Variants in SPOCK1 observed in about 807,000 individuals in gnomAD.
SPOCK1 encodes testican-1.
A neutral mutation model predicts 55.3 loss-of-function variants in SPOCK1; 23 were observed. The ratio of observed to expected loss-of-function variants is 0.42; its 90% CI spans 0.30 to 0.59. The LOEUF is 0.59. Among genes scored for constraint, SPOCK1 ranks in the 20% least tolerant of loss-of-function variants. The pLI, the probability that SPOCK1 is intolerant of heterozygous loss-of-function variation, is 0.22. For missense variants in SPOCK1, 499 were observed against 552.5 expected (o/e 0.90, Z 0.97); for synonymous variants, 226 against 221.0 (o/e 1.02, Z -0.20).
chr5:137,307,133 C>A (rs978190726), intron 2 of SPOCK1, among the ~76,000 whole-genome samples: 1 of 152,182 alleles, frequency 6.6e-6, no homozygotes, highest in Non-Finnish European at 1.5e-5. Flanking sequence ...GTGTACATAT[C>A]CAACGCCCAG....
intron 3 of SPOCK1, among the ~76,000 whole-genome samples, chr5:137,232,340 G>C (rs1756080102): frequency 6.6e-6 from 1 of 152,122 alleles, no homozygotes; most frequent in Non-Finnish European, 1.5e-5. Flanking sequence ...TTAAGTTCAT[G>C]ATGCATTTTG....
At chr5:137,457,991 C>T (rs1044133759) in intron 2 of SPOCK1, among the ~76,000 whole-genome samples, 1 of 152,140 alleles carries the variant, frequency 6.6e-6, no homozygotes, top group Admixed American at 6.6e-5. Flanking sequence ...GAAATACAAG[C>T]AGGGACTTAA....
At chr5:137,153,814 C>T (rs932544646) in intron 3 of SPOCK1, among the ~76,000 whole-genome samples, 2 of 151,532 alleles carry the variant, frequency 1.3e-5, no homozygotes, top group African/African-American at 2.4e-5. Context: ...CTCATGATCA[C>T]ACCACTGCAC....
intron 2 of SPOCK1, among the ~76,000 whole-genome samples, chr5:137,342,841 C>T (rs1750462914): frequency 6.6e-6 from 1 of 152,130 alleles, no homozygotes; most frequent in African/African-American, 2.4e-5. Context: ...CCTTTTTGTT[C>T]CTCCTGGCTC....
At chr5:137,163,820 A>G (rs1321495127) in intron 3 of SPOCK1, among the ~76,000 whole-genome samples, 1 of 152,150 alleles carries the variant, frequency 6.6e-6, no homozygotes, top group Admixed American at 6.5e-5. Context: ...GTGACTCTCA[A>G]TTTCCCTGTT....
intron 2 of SPOCK1, among the ~76,000 whole-genome samples, chr5:137,432,463 A>G (rs907675422): frequency 6.6e-6 from 1 of 152,244 alleles, no homozygotes; most frequent in Non-Finnish European, 1.5e-5. Flanking sequence ...ACCATGAATG[A>G]ATCCTAAAGA....
intron 2 of SPOCK1, among the ~76,000 whole-genome samples, chr5:137,405,903 C>T (rs1437327298): frequency 1.3e-5 from 2 of 152,060 alleles, no homozygotes; most frequent in Non-Finnish European, 2.9e-5. Flanking sequence ...CTGCAATGGC[C>T]GAGTCTCCAC....
At chr5:137,298,456 A>G (rs968774300) in intron 2 of SPOCK1, among the ~76,000 whole-genome samples, 2 of 152,234 alleles carry the variant, frequency 1.3e-5, no homozygotes, top group Admixed American at 6.5e-5. Context: ...CTTATTAAAA[A>G]TAAGTACATT....
chr5:137,472,076 A>C (rs1426000903), intron 2 of SPOCK1, among the ~76,000 whole-genome samples: 1 of 152,172 alleles, frequency 6.6e-6, no homozygotes, highest in Non-Finnish European at 1.5e-5. Flanking sequence ...TAAGAAATTC[A>C]TCTGGAGGGT....
intron 6 of SPOCK1, among the ~76,000 whole-genome samples, chr5:137,063,955 G>A (rs12657412): frequency 0.055 from 8,420 of 152,220 alleles, 670 homozygotes; most frequent in African/African-American, 0.17. Flanking sequence ...AGAAAACCAC[G>A]GAAGGGCCTC....
intron 3 of SPOCK1, among the ~76,000 whole-genome samples, chr5:137,186,057 A>T (rs1442168220): frequency 6.6e-6 from 1 of 152,210 alleles, no homozygotes; most frequent in African/African-American, 2.4e-5. Context: ...ATCCAAAAAA[A>T]TTCCTGTCCT....
intron 2 of SPOCK1, among the ~76,000 whole-genome samples, chr5:137,379,157 A>T (rs1237042097): frequency 2.6e-5 from 4 of 152,064 alleles, no homozygotes; most frequent in Non-Finnish European, 4.4e-5. Flanking sequence ...GCTGTAAACT[A>T]CTGTGGGCCA....
Position 136,978,461 on chromosome 5 carries a change from C to G in SPOCK1, c.*193G>C, listed in dbSNP as rs1252306339. 3.7e-5 allele frequency: 17 copies of G among 465,678 alleles called. No homozygotes were observed. Among genetic ancestry groups the G allele is most frequent in the Non-Finnish European group, 5.4e-5 (15 of 276,640 alleles). 28.8% of individuals were successfully genotyped at this position (465,678 alleles called of 1,614,324 possible). ...ACAACAACAAAAAAAAAACACAACA[C>G]CCTTTCTCCCATACAAACATATGCA... On this transcript the variant is annotated 3_prime_UTR_variant, in exon 11 of 11. Coordinates refer to ENST00000394945, the MANE Select transcript of SPOCK1 (RefSeq NM_004598.4).
At position 137,107,168 on chromosome 5, in the gene SPOCK1, G is replaced by A. The variant is rs1011599276; in HGVS notation, c.474+5267C>T. On this transcript the variant is annotated intron_variant, in intron 5 of 10. Coordinates refer to ENST00000394945, the MANE Select transcript of SPOCK1 (RefSeq NM_004598.4). ...ACGAAAGGAGACTGCTTTTCAATTTGTCTACCTTCCTTGTAAGTTCCATGA... is the reference window on the plus strand; with the variant it reads ...ACGAAAGGAGACTGCTTTTCAATTTATCTACCTTCCTTGTAAGTTCCATGA... Among the ~76,000 whole-genome samples the A allele has an allele frequency of 4.6e-5, 7 of 152,224 alleles. No individual in the cohort carries two copies. In the South Asian group the frequency reaches 1.4e-3, roughly 32 times the overall value.
At chr5:137,028,144 T>C (rs1751711089) in intron 6 of SPOCK1, among the ~76,000 whole-genome samples, 1 of 151,974 alleles carries the variant, frequency 6.6e-6, no homozygotes. Context: ...GCTGTCAGAG[T>C]GGTGAATCTC....
intron 2 of SPOCK1, among the ~76,000 whole-genome samples, chr5:137,356,838 T>TATATATAGAGAG (rs1554077335): frequency 1.1e-3 from 6 of 5,460 alleles, no homozygotes; most frequent in Non-Finnish European, 1.9e-3. Flanking sequence ...TATATATATA[T>TATATATAGAGAG]AGAGAGAGAG....
chr5:137,092,266 GA>G (rs1022396837), intron 5 of SPOCK1, among the ~76,000 whole-genome samples: 11 of 152,076 alleles, frequency 7.2e-5, no homozygotes, highest in Non-Finnish European at 1.5e-4. Context: ...CAAATGCTAA[GA>G]AAAAAAAGAT....
chr5:137,457,096 A>C (rs1473755369), intron 2 of SPOCK1, among the ~76,000 whole-genome samples: 1 of 152,222 alleles, frequency 6.6e-6, no homozygotes. Context: ...AAAGCAACTC[A>C]TCAGATAGAT....
At chr5:137,451,381 G>T (rs949931481) in intron 2 of SPOCK1, among the ~76,000 whole-genome samples, 7 of 152,170 alleles carry the variant, frequency 4.6e-5, no homozygotes, top group African/African-American at 1.7e-4. Flanking sequence ...CCTTAGCAGG[G>T]ATGAACTCAA....
Sources: gnomAD v4.1 joint callset for allele counts (sites outside exome capture counted in the v4.1 genomes callset) on GRCh38, gnomAD v4.1.1 for gene constraint, MANE v1.5 for transcripts, NCBI Gene and HGNC (gene_info 2026-07-23, HGNC 2026-07-21) for gene names.